NSUN7: variants seen among roughly 807,000 people sequenced by gnomAD.
The protein encoded by NSUN7 is NOP2/Sun RNA methyltransferase family member 7.
NSUN7 carries 39 observed loss-of-function variants against 58.5 expected under a neutral mutation model. The ratio of observed to expected loss-of-function variants is 0.67; its 90% confidence interval spans 0.52 to 0.87. The LOEUF is 0.87. Ranked by LOEUF, NSUN7 falls within the 40% of genes least tolerant of loss-of-function variation. The probability of loss-of-function intolerance (pLI) is 0.00; values close to 1 mark genes in which losing one functional copy is unlikely to be tolerated. For missense variants in NSUN7, 765 were observed against 844.1 expected, an observed-to-expected ratio of 0.91 and a Z score of 1.16; for synonymous variants, 278 against 303.7, an observed-to-expected ratio of 0.92 and a Z score of 0.88.
chr4:40,751,023 A>G, intron 2 of NSUN7, 32 bp downstream of exon 2: 1 of 1,601,072 alleles, frequency 6.2e-7, no homozygotes, highest in Non-Finnish European at 8.5e-7. Flanking sequence ...GATCAACACT[A>G]AAAGAAAATA....
chr4:40,803,929 G>A (rs1743711207), intron 10 of NSUN7, among the ~76,000 whole-genome samples: 1 of 152,116 alleles, frequency 6.6e-6, no homozygotes, highest in Non-Finnish European at 1.5e-5. Flanking sequence ...AGGTGTGGTG[G>A]TGCCTACCTG....
chr4:40,750,285 A>C lies in NSUN7; in HGVS notation c.-107A>C. 6.1e-6 allele frequency: 1 copy of C among 164,168 alleles called. No homozygotes were observed. The highest frequency in any genetic ancestry group is 1.3e-5 in the Non-Finnish European group (1 of 75,812). 10.2% of individuals were successfully genotyped at this position (164,168 alleles called of 1,614,324 possible). On this transcript the variant is annotated 5_prime_UTR_variant, in exon 1 of 12. Coordinates refer to ENST00000381782, the MANE Select transcript of NSUN7 (RefSeq NM_024677.6). ...CGTCTTCGTCCCCGAAGCCCCGGGA[A>C]CCATCCGCCCTCGGGGTAAGGGAGG...
At chr4:40,800,903 C>T (rs1325225901) in intron 10 of NSUN7, among the ~76,000 whole-genome samples, 1 of 152,040 alleles carries the variant, frequency 6.6e-6, no homozygotes, top group Non-Finnish European at 1.5e-5. Flanking sequence ...CAGAAAAGGT[C>T]TGACTTTATT....
chr4:40,764,123 A>T (rs964497723), intron 4 of NSUN7, among the ~76,000 whole-genome samples: 5 of 151,460 alleles, frequency 3.3e-5, no homozygotes, highest in African/African-American at 1.2e-4. Flanking sequence ...CATGTGCACA[A>T]TGTGCAGGTT....
chr4:40,803,299 C>T (rs1400769485), intron 10 of NSUN7, among the ~76,000 whole-genome samples: 4 of 152,070 alleles, frequency 2.6e-5, no homozygotes, highest in Non-Finnish European at 5.9e-5. Flanking sequence ...TGGGTATATA[C>T]CCAGTAATGG....
rs1741392493 is a variant in NSUN7 at position 40,760,439 on chromosome 4, G to A, written c.304G>A (p.Asp102Asn). ...ELAFSALKYQ[D>N]ILETILIDSC... is the part of the protein sequence containing the mutation. ...GCCTTTCCCTTGTTTTGCAGATCAA[G>A]ATATTTTGGAAACTATATTGATAGA... is the stretch of plus-strand genomic sequence containing the variant. The change falls in exon 3 of 12, where the codon GAT (aspartate) becomes AAT (asparagine). Residue 102 changes from aspartate to asparagine, a missense_variant. By Grantham distance (23) the Asp-to-Asn change is conservative. Transcript: ENST00000381782. The A allele has an allele frequency of 1.2e-6, 2 of 1,608,778 alleles. No homozygotes were observed. The highest frequency in any genetic ancestry group is 3.4e-5 in the Admixed American group (2 of 59,216).
chr4:40,769,253 T>G lies in NSUN7; in HGVS notation c.489-5012T>G, dbSNP rs192201242. Among the ~76,000 whole-genome samples, 7 of 152,328 alleles carry G rather than the reference T, an allele frequency of 4.6e-5. No homozygotes were observed. The East Asian group carries it at 1.3e-3, about 29-fold the overall frequency. On this transcript the variant is annotated intron_variant, in intron 4 of 11. Transcript: ENST00000381782. ...TAACTCTCACTTTCCTGCAATCTATTCCACATGGCAGGTAGAGTGATATTT... is the reference window on the plus strand; with the variant it reads ...TAACTCTCACTTTCCTGCAATCTATGCCACATGGCAGGTAGAGTGATATTT...
intron 7 of NSUN7, among the ~76,000 whole-genome samples, chr4:40,787,695 T>C (rs1353700641): frequency 6.6e-6 from 1 of 152,212 alleles, no homozygotes; most frequent in Non-Finnish European, 1.5e-5. Flanking sequence ...AAAAAGTTTT[T>C]AAAAATTTTA....
At chr4:40,777,332 ATTTT>A (rs896396470) in intron 7 of NSUN7, among the ~76,000 whole-genome samples, 1 of 151,560 alleles carries the variant, frequency 6.6e-6, no homozygotes, top group African/African-American at 2.4e-5. Context: ...ATTTTTTTAA[ATTTT>A]TTTTTATTTT....
intron 7 of NSUN7, among the ~76,000 whole-genome samples, chr4:40,788,132 C>T (rs914642495): frequency 4.6e-5 from 7 of 152,172 alleles, no homozygotes; most frequent in African/African-American, 1.2e-4. Flanking sequence ...CGTGCCCGGC[C>T]GAGGTTGCCT....
intron 7 of NSUN7, among the ~76,000 whole-genome samples, chr4:40,776,637 A>G (rs1742283303): frequency 6.6e-6 from 1 of 151,052 alleles, no homozygotes; most frequent in South Asian, 2.1e-4. Flanking sequence ...TTTTTTTGAG[A>G]TAAAGTCTTA....
At chr4:40,786,419 T>C in intron 7 of NSUN7, 1 of 1,612,020 alleles carries the variant, frequency 6.2e-7, no homozygotes, top group Non-Finnish European at 8.5e-7. Context: ...GTGGACTCTG[T>C]TGATGTCGAA....
intron 9 of NSUN7, among the ~76,000 whole-genome samples, chr4:40,796,423 T>A (rs1012638265): frequency 6.6e-6 from 1 of 152,014 alleles, no homozygotes; most frequent in Non-Finnish European, 1.5e-5. Flanking sequence ...TAGGATCACT[T>A]CAGGCCAGGA....
intron 10 of NSUN7, among the ~76,000 whole-genome samples, chr4:40,799,925 T>G (rs1437625143): frequency 6.6e-6 from 1 of 152,240 alleles, no homozygotes; most frequent in Non-Finnish European, 1.5e-5. Context: ...TGTTCCCCAT[T>G]GTAAAAATTT....
intron 4 of NSUN7, among the ~76,000 whole-genome samples, chr4:40,765,418 C>G (rs1468377768): frequency 2.1e-4 from 31 of 146,454 alleles, no homozygotes; most frequent in African/African-American, 7.4e-4. Context: ...TCTGAGGGCT[C>G]TGTTCTGTTC....
At chr4:40,771,049 C>A (rs546323278) in intron 4 of NSUN7, among the ~76,000 whole-genome samples, 2 of 151,680 alleles carry the variant, frequency 1.3e-5, no homozygotes, top group South Asian at 2.1e-4. Flanking sequence ...GACTCTGCCT[C>A]AAAAAATAAA....
chr4:40,804,131 A>G (rs997485285), intron 10 of NSUN7, among the ~76,000 whole-genome samples: 10 of 152,198 alleles, frequency 6.6e-5, no homozygotes, highest in Admixed American at 6.5e-4. Context: ...CAACAGCACA[A>G]TAAGAGGTTT....
chr4:40,779,536 G>A (rs1336176117), intron 7 of NSUN7, among the ~76,000 whole-genome samples: 5 of 152,062 alleles, frequency 3.3e-5, no homozygotes, highest in African/African-American at 7.2e-5. Flanking sequence ...CCTGGGAGGC[G>A]GAGCTTGCAG....
At chr4:40,788,583 A>G (rs1011393258) in intron 7 of NSUN7, among the ~76,000 whole-genome samples, 4 of 152,216 alleles carry the variant, frequency 2.6e-5, no homozygotes, top group African/African-American at 7.2e-5. Context: ...TCCATTGCCA[A>G]CTGCCTCTGT....
Sources: gnomAD v4.1 joint callset for allele counts (sites outside exome capture counted in the v4.1 genomes callset) on GRCh38, gnomAD v4.1.1 for gene constraint, MANE v1.5 for transcripts, NCBI Gene and HGNC (gene_info 2026-07-23, HGNC 2026-07-21) for gene names.